Variants in EXOC5 observed in about 807,000 individuals in gnomAD.
EXOC5 encodes the protein exocyst complex component 5.
Under a neutral mutation model 90.8 loss-of-function variants are expected in EXOC5, and 17 were observed. That is an observed-to-expected ratio of 0.19 (90% CI 0.13 to 0.28). EXOC5 has a LOEUF of 0.28. EXOC5 is among the 10% of genes least tolerant of loss of function. The pLI is 1.00. For missense variants in EXOC5, 569 were observed against 830.6 expected (o/e 0.69, Z 3.87); for synonymous variants, 260 against 270.0 (o/e 0.96, Z 0.36).
chr14:57,207,831 C>G lies in EXOC5; in HGVS notation c.*778G>C, dbSNP rs1172558947. The G allele has an allele frequency of 1.3e-5, 2 of 151,962 alleles. No homozygotes were observed. The highest frequency in any genetic ancestry group is 1.3e-4 in the Admixed American group (2 of 15,212). 9.4% of individuals were successfully genotyped at this position (151,962 alleles called of 1,614,324 possible). On this transcript the variant is annotated 3_prime_UTR_variant, in exon 18 of 18. Coordinates refer to ENST00000621441, the MANE Select transcript of EXOC5 (RefSeq NM_006544.4). ...ATAAATATGGTCCTTTAGTTAAGGT[C>G]CTCCACCTTAAGTGAAATACAAAAT... is the stretch of plus-strand genomic sequence containing the variant.
At position 57,201,531 on chromosome 14, in the gene EXOC5, C is replaced by A. The variant is rs187313575; in HGVS notation, c.*7078G>T. On this transcript the variant is annotated 3_prime_UTR_variant, in exon 18 of 18. Transcript: ENST00000621441. Reference sequence around the variant, plus strand: ...ACACATATGTATATATATACACACACACCACACATATACATATATTTTTAT... The same window carrying A: ...ACACATATGTATATATATACACACAAACCACACATATACATATATTTTTAT... 7.1e-6 allele frequency: 1 copy of A among 141,618 alleles called. No homozygotes were observed. Among genetic ancestry groups the A allele is most frequent in the Non-Finnish European group, 1.5e-5 (1 of 66,704 alleles). The allele number at this position is 141,618 out of a possible 1,614,324, so 8.8% of individuals were successfully genotyped here. A position where few individuals can be genotyped will look rare whatever the true frequency, so the allele number is the denominator to read the frequency against.
chr14:57,234,007 T>C lies in EXOC5; in HGVS notation c.695A>G (p.Tyr232Cys). Reference sequence around the variant, plus strand: ...TGTTACCTCCTGGCACTGCTTTATATAAACATCAACACAATGGGAATAACC... The same window carrying C: ...TGTTACCTCCTGGCACTGCTTTATACAAACATCAACACAATGGGAATAACC... ...FKGYSHCVDV[Y>C]IKQCQEGAYL... The change falls in exon 8 of 18, where the codon TAT becomes TGT. Residue 232 changes from tyrosine (Y) to cysteine (C), a missense_variant. Around this residue, in one of 9 missense-constraint regions of EXOC5, gnomAD observed 97 missense variants for 177.9 expected, o/e 0.55. Transcript: ENST00000621441. 1 of 1,599,170 alleles carries C rather than the reference T, an allele frequency of 6.3e-7. No individual in the cohort carries two copies. The highest frequency in any genetic ancestry group is 8.6e-7 in the Non-Finnish European group (1 of 1,166,702).
At chr14:57,249,913 T>C (rs898165497) in intron 1 of EXOC5, among the ~76,000 whole-genome samples, 1 of 152,044 alleles carries the variant, frequency 6.6e-6, no homozygotes, top group Non-Finnish European at 1.5e-5. Flanking sequence ...GCTGGGATTA[T>C]AGGCATGCAC....
chr14:57,246,969 A>G, intron 2 of EXOC5, 111 bp from the exon 3 acceptor site: 2 of 600,956 alleles, frequency 3.3e-6, no homozygotes, highest in East Asian at 6.3e-5. Flanking sequence ...TGAGCTTGAA[A>G]TGATCATGTT....
intron 1 of EXOC5, among the ~76,000 whole-genome samples, chr14:57,256,845 A>G (rs1359550964): frequency 1.3e-5 from 2 of 152,212 alleles, no homozygotes; most frequent in African/African-American, 4.8e-5. Context: ...AGGTCATTTT[A>G]GTTTCAGACC....
intron 1 of EXOC5, among the ~76,000 whole-genome samples, chr14:57,252,017 G>T (rs562944189): frequency 6.6e-6 from 1 of 152,218 alleles, no homozygotes; most frequent in African/African-American, 2.4e-5. Context: ...TGAAAAAACA[G>T]ATAATATGAA....
chr14:57,226,653 T>A (rs1160204330), intron 12 of EXOC5, among the ~76,000 whole-genome samples: 1 of 152,166 alleles, frequency 6.6e-6, no homozygotes, highest in Admixed American at 6.5e-5. Flanking sequence ...GACAGACCAA[T>A]GGAACACAAG....
rs532875123 is a variant in EXOC5 at position 57,264,895 on chromosome 14, T to A, written c.27+3727A>T. On this transcript the variant is annotated intron_variant, in intron 1 of 17. Coordinates refer to ENST00000621441, the MANE Select transcript of EXOC5 (RefSeq NM_006544.4). Reference sequence around the variant, plus strand: ...TATATCCACCTTCTCTCCCTCTATTTGATAAGGACAAGTTCTATACTTAAT... The same window carrying A: ...TATATCCACCTTCTCTCCCTCTATTAGATAAGGACAAGTTCTATACTTAAT... Among the ~76,000 whole-genome samples the A allele has an allele frequency of 2.0e-5, 3 of 152,296 alleles. No homozygotes were observed. In the East Asian group the frequency reaches 5.8e-4, roughly 29 times the overall value.
rs1239623225 is a variant in EXOC5, at chr14:57,238,375, T to TATATATATAC, written c.531-1010_531-1009insGTATATATAT. On this transcript the variant is annotated intron_variant, in intron 5 of 17. Coordinates refer to ENST00000621441, the MANE Select transcript of EXOC5 (RefSeq NM_006544.4). The stretch of plus-strand genomic sequence containing the variant: ...ATATATATATATATATATATATATA[T>TATATATATAC]ACACACACACACACACACACACACA... 4.8e-3 allele frequency among the ~76,000 whole-genome samples: 357 copies of TATATATATAC among 74,828 alleles called. 2 individuals are homozygous for TATATATATAC. Among genetic ancestry groups the TATATATATAC allele is most frequent in the Non-Finnish European group, 8.1e-3 (289 of 35,474 alleles). 49.1% of individuals were successfully genotyped at this position (74,828 alleles called of 152,430 possible).
At chr14:57,247,961 A>G (rs1360059179) in intron 1 of EXOC5, among the ~76,000 whole-genome samples, 1 of 152,034 alleles carries the variant, frequency 6.6e-6, no homozygotes, top group Admixed American at 6.5e-5. Flanking sequence ...GAACAACTCA[A>G]CAGAAAAATG....
intron 13 of EXOC5, among the ~76,000 whole-genome samples, chr14:57,221,341 C>T (rs1883134528): frequency 1.3e-5 from 2 of 152,198 alleles, no homozygotes; most frequent in Admixed American, 6.5e-5. Flanking sequence ...AAAAGTCATG[C>T]TTCTCTACAG....
At chr14:57,241,096 T>C (rs1162387993) in intron 4 of EXOC5, among the ~76,000 whole-genome samples, 3 of 152,064 alleles carry the variant, frequency 2.0e-5, no homozygotes, top group Non-Finnish European at 2.9e-5. Flanking sequence ...TCAAGTGATC[T>C]GCCCATCTTG....
At chr14:57,212,153 C>T (rs1642697745) in intron 15 of EXOC5, among the ~76,000 whole-genome samples, 1 of 152,220 alleles carries the variant, frequency 6.6e-6, no homozygotes, top group African/African-American at 2.4e-5. Flanking sequence ...GCCTGAGCCA[C>T]CATGCCCACC....
intron 12 of EXOC5, among the ~76,000 whole-genome samples, chr14:57,228,252 G>A (rs1883370704): frequency 6.6e-6 from 1 of 152,150 alleles, no homozygotes; most frequent in Admixed American, 6.5e-5. Context: ...TACACTGCTG[G>A]TGGGAGTGTA....
In EXOC5 at chr14:57,219,178, T is replaced by A. The variant is rs1594651709; in HGVS notation, c.1526+144A>T. 4.2e-5 allele frequency: 18 copies of A among 427,478 alleles called. No homozygotes were observed. The East Asian group carries it at 6.9e-4, about 16-fold the overall frequency. 26.5% of individuals were successfully genotyped at this position (427,478 alleles called of 1,614,324 possible). A position where few individuals can be genotyped will look rare whatever the true frequency, so the allele number is the denominator to read the frequency against. Reference sequence around the variant, plus strand: ...CTAATGTTTTATTTCCTAAGAACTTTTATATTTTTATTTCATTTCACTTGT... The same window carrying A: ...CTAATGTTTTATTTCCTAAGAACTTATATATTTTTATTTCATTTCACTTGT... On this transcript the variant is annotated intron_variant, in intron 14 of 17. Coordinates refer to ENST00000621441, the MANE Select transcript of EXOC5 (RefSeq NM_006544.4).
At chr14:57,222,760 CACAT>C (rs1220973360) in intron 12 of EXOC5, among the ~76,000 whole-genome samples, 2,220 of 147,812 alleles carry the variant, frequency 0.015, 54 homozygotes, top group African/African-American at 0.055. Flanking sequence ...CACACACACA[CACAT>C]ATATATATAT....
At chr14:57,264,996 A>G (rs866639039) in intron 1 of EXOC5, among the ~76,000 whole-genome samples, 4 of 152,236 alleles carry the variant, frequency 2.6e-5, no homozygotes, top group Non-Finnish European at 5.9e-5. Context: ...GTCTCTTTAA[A>G]AAAGAAAGAA....
intron 1 of EXOC5, chr14:57,268,294 T>C (rs1884753960): frequency 1.9e-6 from 1 of 518,172 alleles, no homozygotes; most frequent in East Asian, 4.1e-5. Flanking sequence ...CCCTTCCCAC[T>C]ACTCATCCGG....
intron 1 of EXOC5, among the ~76,000 whole-genome samples, chr14:57,256,297 T>C (rs1339940904): frequency 2.0e-5 from 3 of 152,074 alleles, no homozygotes; most frequent in African/African-American, 7.2e-5. Context: ...CAACCAATTC[T>C]GAAAATGTAT....
Sources: gnomAD v4.1 joint callset for allele counts (sites outside exome capture counted in the v4.1 genomes callset) on GRCh38, gnomAD v4.1.1 for gene constraint, gnomAD v4.1.1 regional missense constraint, MANE v1.5 for transcripts, NCBI Gene and HGNC (gene_info 2026-07-23, HGNC 2026-07-21) for gene names.